Variants in CIMAP1D observed in about 807,000 individuals in gnomAD.
CIMAP1D encodes CIMAP1 family member D.
the CIMAP1D span, chr19:463,696 A>T: frequency 8.8e-7 from 1 of 1,139,534 alleles, no homozygotes; most frequent in South Asian, 1.5e-5. Flanking sequence ...TGGAAGGATC[A>T]GGTGTCCTAG....
At chr19:483,122 G>C in the CIMAP1D span, among the ~76,000 whole-genome samples, 1 of 152,052 alleles carries the variant, frequency 6.6e-6, no homozygotes, top group Non-Finnish European at 1.5e-5. Context: ...CCTCACTCCA[G>C]CAAATGGCAC....
At chr19:482,475 C>A in the CIMAP1D span, among the ~76,000 whole-genome samples, 29 of 152,208 alleles carry the variant, frequency 1.9e-4, no homozygotes, top group Non-Finnish European at 2.5e-4. Flanking sequence ...CATCTAGTGA[C>A]TGGAGAACTA....
At chr19:474,970 G>T in the CIMAP1D span, 1 of 412,306 alleles carries the variant, frequency 2.4e-6, no homozygotes, top group Non-Finnish European at 4.3e-6. Context: ...CTGGAAGTGG[G>T]GCCGGGATCG....
At chr19:488,589 C>T in the CIMAP1D span, among the ~76,000 whole-genome samples, 1 of 152,216 alleles carries the variant, frequency 6.6e-6, no homozygotes, top group African/African-American at 2.4e-5. Flanking sequence ...CTGGGACTGA[C>T]GTCCGGGTAC....
At chr19:470,577 AC>A in the CIMAP1D span, among the ~76,000 whole-genome samples, 1 of 151,766 alleles carries the variant, frequency 6.6e-6, no homozygotes, top group East Asian at 1.9e-4. Flanking sequence ...GCATTCTGGG[AC>A]CCCTTGCAGC....
the CIMAP1D span, among the ~76,000 whole-genome samples, chr19:491,373 C>T: frequency 6.6e-6 from 1 of 152,152 alleles, no homozygotes; most frequent in East Asian, 1.9e-4. Flanking sequence ...CCGGCGAGGG[C>T]GGTTCATAGA....
At chr19:490,850 G>A in the CIMAP1D span, among the ~76,000 whole-genome samples, 3 of 152,240 alleles carry the variant, frequency 2.0e-5, no homozygotes, top group Admixed American at 6.5e-5. Context: ...TGTAATCCCA[G>A]CACCTTGGGA....
chr19:478,320 A>G, the CIMAP1D span, among the ~76,000 whole-genome samples: 1 of 97,190 alleles, frequency 1.0e-5, no homozygotes, highest in East Asian at 4.8e-4. Context: ...AGGCCACACC[A>G]GACAGCCACT....
chr19:488,293 C>T, the CIMAP1D span, among the ~76,000 whole-genome samples: 9,024 of 151,882 alleles, frequency 0.059, 556 homozygotes, highest in East Asian at 0.21. Flanking sequence ...GAGGCTGAGG[C>T]GGGCAGATCA....
the CIMAP1D span, among the ~76,000 whole-genome samples, chr19:485,634 C>G: frequency 3.3e-5 from 5 of 152,200 alleles, no homozygotes; most frequent in African/African-American, 4.8e-5. Context: ...CCTAAAGCAC[C>G]GGGAGGGCAG....
chr19:491,514 G>A, the CIMAP1D span, among the ~76,000 whole-genome samples: 9 of 152,164 alleles, frequency 5.9e-5, 1 homozygote, highest in South Asian at 1.7e-3. Context: ...CCTTTGACCC[G>A]TGAGACAGGG....
At chr19:479,846 T>C in the CIMAP1D span, among the ~76,000 whole-genome samples, 2 of 152,398 alleles carry the variant, frequency 1.3e-5, no homozygotes, top group South Asian at 4.1e-4. Flanking sequence ...CCTTCTTCTC[T>C]CTTTCCTTCT....
chr19:491,310 G>A, the CIMAP1D span, among the ~76,000 whole-genome samples: 194 of 152,246 alleles, frequency 1.3e-3, 1 homozygote, highest in African/African-American at 4.5e-3. Flanking sequence ...ACAGTTTAGT[G>A]CCCTTTATGG....
chr19:480,011 C>G, the CIMAP1D span, among the ~76,000 whole-genome samples: 59 of 152,358 alleles, frequency 3.9e-4, no homozygotes, highest in Middle Eastern at 3.4e-3. Flanking sequence ...CTGTGGCGGT[C>G]AGCCACAGGG....
the CIMAP1D span, among the ~76,000 whole-genome samples, chr19:466,597 G>A: frequency 1.4e-5 from 2 of 146,482 alleles, no homozygotes; most frequent in South Asian, 2.2e-4. Flanking sequence ...GTGGATTGAA[G>A]GATGGATAGA....
chr19:464,949 A>C, the CIMAP1D span, among the ~76,000 whole-genome samples: 1 of 121,152 alleles, frequency 8.3e-6, no homozygotes, highest in South Asian at 3.1e-4. Context: ...GATAGGTAGA[A>C]GGAAAAAAGG....
the CIMAP1D span, among the ~76,000 whole-genome samples, chr19:483,488 CG>C: frequency 1.3e-5 from 2 of 152,034 alleles, no homozygotes; most frequent in Non-Finnish European, 2.9e-5. Flanking sequence ...TCCAGTGACA[CG>C]GAGCTATGAG....
the CIMAP1D span, among the ~76,000 whole-genome samples, chr19:465,253 A>T: frequency 9.3e-6 from 1 of 107,722 alleles, no homozygotes; most frequent in Non-Finnish European, 2.0e-5. Context: ...GGGCGGGTGG[A>T]TGGGTGGATG....
the CIMAP1D span, among the ~76,000 whole-genome samples, chr19:487,108 T>A: frequency 6.6e-6 from 1 of 152,090 alleles, no homozygotes; most frequent in Admixed American, 6.6e-5. Context: ...GCCTGCCCCC[T>A]TCCCTGCCTT....
Sources: allele counts gnomAD v4.1 joint callset (sites outside exome capture counted in the v4.1 genomes callset), GRCh38; gene constraint gnomAD v4.1.1; transcripts MANE v1.5; gene names NCBI Gene and HGNC (gene_info 2026-07-23, HGNC 2026-07-21).